Variants in RAB11FIP3 observed in about 807,000 individuals in gnomAD.
The protein encoded by RAB11FIP3 is rab11 family-interacting protein 3.
Under a neutral mutation model 77.8 loss-of-function variants are expected in RAB11FIP3, and 17 were observed. That is an observed-to-expected ratio of 0.22 (90% CI 0.15 to 0.33). The LOEUF is 0.33. Ranked by LOEUF, RAB11FIP3 falls within the 10% of genes least tolerant of loss-of-function variation. The pLI, the probability that RAB11FIP3 is intolerant of heterozygous loss-of-function variation, is 1.00. For synonymous variants in RAB11FIP3, 437 were observed against 448.2 expected (o/e 0.98, Z 0.31); for missense variants, 1,005 against 1,011.2 (o/e 0.99, Z 0.08).
At chr16:462,602 T>C (rs1056362564) in intron 2 of RAB11FIP3, among the ~76,000 whole-genome samples, 4 of 149,814 alleles carry the variant, frequency 2.7e-5, no homozygotes, top group African/African-American at 9.8e-5. Flanking sequence ...GCACGATCCC[T>C]TCCCCAGCAC....
chr16:492,539 C>CGTCCAGGGCCCTTCCCGGGAGACCCG (rs2030653420), intron 5 of RAB11FIP3, among the ~76,000 whole-genome samples: 1 of 151,758 alleles, frequency 6.6e-6, no homozygotes, highest in African/African-American at 2.4e-5. Context: ...CGAGGCCGTC[C>CGTCCAGGGCCCTTCCCGGGAGACCCG]AGAATCTTGG....
Position 426,077 on chromosome 16 carries a change from C to A in RAB11FIP3, c.71C>A (p.Pro24Gln). The stretch of plus-strand genomic sequence containing the variant: ...GGGCCCGACCCGGAGCCGGGCGGGC[C>A]GGACGGGCCGGGGGCGGCACAACTG... ...PPGPDPEPGG[P>Q]DGPGAAQLAP... The change falls in exon 1 of 14, where the codon CCG (proline) becomes CAG (glutamine). Residue 24 changes from proline to glutamine, a missense_variant. Coordinates refer to ENST00000262305, the MANE Select transcript of RAB11FIP3 (RefSeq NM_014700.4). This position sits in a 1 kb window ranked among gnomAD's most constrained non-coding sequence, Gnocchi z 5.0. The A allele has an allele frequency of 2.0e-6, 2 of 1,001,736 alleles. No individual in the cohort carries two copies. Among genetic ancestry groups the A allele is most frequent in the Non-Finnish European group, 2.4e-6 (2 of 842,298 alleles). The allele number at this position is 1,001,736 out of a possible 1,614,324, so 62.1% of individuals were successfully genotyped here. A position where few individuals can be genotyped will look rare whatever the true frequency, so the allele number is the denominator to read the frequency against.
chr16:465,075 G>A (rs1354298788), intron 2 of RAB11FIP3, among the ~76,000 whole-genome samples: 2 of 152,184 alleles, frequency 1.3e-5, no homozygotes, highest in Middle Eastern at 3.2e-3. Context: ...GTTCATGGAG[G>A]TGCGAGCTGG....
At position 514,035 on chromosome 16, in the gene RAB11FIP3, T is replaced by C. The variant is rs1051366651; in HGVS notation, c.1640+3235T>C. Reference sequence around the variant, plus strand: ...ATCCTGCCGCCTCTGTGTGCTCTGGTGTGGAGGGGCACAAGATAGGGGTCT... The same window carrying C: ...ATCCTGCCGCCTCTGTGTGCTCTGGCGTGGAGGGGCACAAGATAGGGGTCT... On this transcript the variant is annotated intron_variant, in intron 9 of 13. Transcript: ENST00000262305. The surrounding 1 kb of genome is among the most constrained non-coding windows in gnomAD (Gnocchi z 4.6). 6.6e-6 allele frequency among the ~76,000 whole-genome samples: 1 copy of C among 152,142 alleles called. No homozygotes were observed. The highest frequency in any genetic ancestry group is 2.4e-5 in the African/African-American group (1 of 41,450).
rs973532375 is a variant in RAB11FIP3 at position 471,683 on chromosome 16, C to T, written c.903+294C>T. On this transcript the variant is annotated intron_variant, in intron 3 of 13. Coordinates refer to ENST00000262305, the MANE Select transcript of RAB11FIP3 (RefSeq NM_014700.4). This position sits in a 1 kb window ranked among gnomAD's most constrained non-coding sequence, Gnocchi z 4.4. Reference sequence around the variant, plus strand: ...CCGCTGCCAGGCTGGCAGGCACAGGCGGAGCAGAGGGCTTGGGAGGATTCC... The same window carrying T: ...CCGCTGCCAGGCTGGCAGGCACAGGTGGAGCAGAGGGCTTGGGAGGATTCC... Among the ~76,000 whole-genome samples the T allele has an allele frequency of 1.3e-5, 2 of 152,126 alleles. No homozygotes were observed. The highest frequency in any genetic ancestry group is 1.9e-4 in the East Asian group (1 of 5,172).
At position 507,134 on chromosome 16, in the gene RAB11FIP3, AC is replaced by A. The variant is rs377340357; in HGVS notation, c.1499+1508del. Among the ~76,000 whole-genome samples the A allele has an allele frequency of 8.4e-3, 1,125 of 134,116 alleles. 11 individuals are homozygous for A. Among genetic ancestry groups the A allele is most frequent in the African/African-American group, 0.031 (1,066 of 34,542 alleles). 88.0% of individuals were successfully genotyped at this position (134,116 alleles called of 152,430 possible). Reference sequence around the variant, plus strand: ...CAGCTTTTTTTTTTTTTTTTTTGAGACGGGGTCTCTCTCTGTCTCCAGGCTG... The same window carrying A: ...CAGCTTTTTTTTTTTTTTTTTTGAGAGGGGTCTCTCTCTGTCTCCAGGCTG... On this transcript the variant is annotated intron_variant, in intron 8 of 13. Coordinates refer to ENST00000262305, the MANE Select transcript of RAB11FIP3 (RefSeq NM_014700.4). The surrounding 1 kb of genome is among the most constrained non-coding windows in gnomAD (Gnocchi z 4.6).
intron 8 of RAB11FIP3, among the ~76,000 whole-genome samples, chr16:508,260 C>T (rs2141875261): frequency 6.6e-6 from 1 of 152,364 alleles, no homozygotes; most frequent in Admixed American, 6.5e-5. Flanking sequence ...TCTGGTGCCG[C>T]AGGGCCTTGA....
rs974739463 is a variant in RAB11FIP3, at chr16:505,403, G to C, written c.1396-121G>C. On this transcript the variant is annotated intron_variant, in intron 7 of 13. Transcript: ENST00000262305. This position sits in a 1 kb window ranked among gnomAD's most constrained non-coding sequence, Gnocchi z 4.0. ...ACAAGTTGGATCCAACACCAGCCTA[G>C]CTAGGTGGATCTGATTCTGTGCTGA... The C allele has an allele frequency of 5.6e-6, 4 of 719,348 alleles. No homozygotes were observed. The highest frequency in any genetic ancestry group is 4.8e-4 in the Middle Eastern group (2 of 4,168). 44.6% of individuals were successfully genotyped at this position (719,348 alleles called of 1,614,324 possible). A position where few individuals can be genotyped will look rare whatever the true frequency, so the allele number is the denominator to read the frequency against.
chr16:428,025 C>T (rs2054979512), intron 1 of RAB11FIP3, among the ~76,000 whole-genome samples: 1 of 151,062 alleles, frequency 6.6e-6, no homozygotes, highest in South Asian at 2.1e-4. Flanking sequence ...GGCGTGAACC[C>T]GGGAGGCGGA....
chr16:476,638 G>A (rs1457902677), intron 3 of RAB11FIP3, among the ~76,000 whole-genome samples: 2 of 152,086 alleles, frequency 1.3e-5, no homozygotes, highest in African/African-American at 4.8e-5. Flanking sequence ...AAGGTCAGGT[G>A]CGGTGGCTCA....
chr16:490,937 G>A (rs2030124734), intron 5 of RAB11FIP3, among the ~76,000 whole-genome samples: 1 of 152,214 alleles, frequency 6.6e-6, no homozygotes. Flanking sequence ...CCTGTCCTGG[G>A]CTCCTGGAGG....
chr16:517,043 G>A lies in RAB11FIP3; in HGVS notation c.1641-1900G>A, dbSNP rs577722851. Among the ~76,000 whole-genome samples, 64 of 152,314 alleles carry A rather than the reference G, an allele frequency of 4.2e-4. No homozygotes were observed. The East Asian group carries it at 0.012, about 29-fold the overall frequency. Reference sequence around the variant, plus strand: ...CCTGGCAGGCAGACCTTGGCCAGGTGATCAGAAAGCCGTGCGGACGTCAGG... The same window carrying A: ...CCTGGCAGGCAGACCTTGGCCAGGTAATCAGAAAGCCGTGCGGACGTCAGG... On this transcript the variant is annotated intron_variant, in intron 9 of 13. Coordinates refer to ENST00000262305, the MANE Select transcript of RAB11FIP3 (RefSeq NM_014700.4).
Position 519,019 on chromosome 16 carries a change from G to A in RAB11FIP3, c.1717G>A (p.Glu573Lys). 1 of 1,613,266 alleles carries A rather than the reference G, an allele frequency of 6.2e-7. No homozygotes were observed. The highest frequency in any genetic ancestry group is 1.3e-5 in the African/African-American group (1 of 75,058). Residue 573 changes from glutamate to lysine, a missense_variant, in exon 10 of 14, where the codon GAG becomes AAG. Glu to Lys is a moderately conservative substitution (Grantham distance 56). Coordinates refer to ENST00000262305, the MANE Select transcript of RAB11FIP3 (RefSeq NM_014700.4). ...PCLKANIERL[E>K]EEKQKLLDEI... ...TCTGAAGGCCAACATTGAGCGTCTGGAGGAGGTGAGCTGCCAACAGCCTGG... is the reference window on the plus strand; with the variant it reads ...TCTGAAGGCCAACATTGAGCGTCTGAAGGAGGTGAGCTGCCAACAGCCTGG...
intron 3 of RAB11FIP3, among the ~76,000 whole-genome samples, chr16:477,857 CCACCCACCAGTGACACTCG>C (rs1224639162): frequency 6.6e-6 from 1 of 152,208 alleles, no homozygotes; most frequent in Non-Finnish European, 1.5e-5. Flanking sequence ...CAGGGATTTC[CCACCCACCAGTGACACTCG>C]CACCCTGCAG....
chr16:492,454 CT>C (rs67237832), intron 5 of RAB11FIP3, among the ~76,000 whole-genome samples: 12,152 of 34,162 alleles, frequency 0.36, 1,876 homozygotes, highest in Non-Finnish European at 0.43. Flanking sequence ...GCCCAGGGCC[CT>C]TCCCGGGGAG....
At chr16:459,933 A>G (rs1358075049) in intron 1 of RAB11FIP3, among the ~76,000 whole-genome samples, 5 of 146,432 alleles carry the variant, frequency 3.4e-5, no homozygotes, top group Non-Finnish European at 5.9e-5. Flanking sequence ...GCTGGAGTGC[A>G]ATGGCGCAAT....
intron 3 of RAB11FIP3, among the ~76,000 whole-genome samples, chr16:475,600 G>C (rs1382780598): frequency 6.6e-6 from 1 of 152,208 alleles, no homozygotes; most frequent in Non-Finnish European, 1.5e-5. Flanking sequence ...CCGCAGGGCT[G>C]AATTGGGAAG....
At chr16:446,093 A>T (rs1295626763) in intron 1 of RAB11FIP3, among the ~76,000 whole-genome samples, 4 of 152,088 alleles carry the variant, frequency 2.6e-5, no homozygotes, top group Admixed American at 2.0e-4. Flanking sequence ...TTCCCTAAAG[A>T]TCACCCTGGG....
intron 8 of RAB11FIP3, among the ~76,000 whole-genome samples, chr16:508,851 C>G (rs934081477): frequency 3.3e-5 from 5 of 151,968 alleles, no homozygotes; most frequent in Non-Finnish European, 7.4e-5. Context: ...TTTTATCTTT[C>G]TGTTCTTTTT....
Sources: allele counts gnomAD v4.1 joint callset (sites outside exome capture counted in the v4.1 genomes callset), GRCh38; gene constraint gnomAD v4.1.1; non-coding constraint Gnocchi (gnomAD v3.1); transcripts MANE v1.5; gene names NCBI Gene and HGNC (gene_info 2026-07-23, HGNC 2026-07-21).